The following IGFBP5 variants were observed in gnomAD, a reference collection of about 807,000 sequenced individuals.
IGFBP5 encodes insulin-like growth factor-binding protein 5.
Under a neutral mutation model 28.0 loss-of-function variants are expected in IGFBP5, and 12 were observed. The ratio of observed to expected loss-of-function variants is 0.43; its 90% CI spans 0.27 to 0.69. The LOEUF (loss-of-function observed/expected upper bound fraction) is 0.69. Ranked by LOEUF, IGFBP5 falls within the 30% of genes least tolerant of loss-of-function variation. The pLI is 0.20. For missense variants in IGFBP5, 344 were observed against 381.6 expected, an observed-to-expected ratio of 0.90 and a Z score of 0.82; for synonymous variants, 152 against 150.2, an observed-to-expected ratio of 1.01 and a Z score of -0.09.
intron 1 of IGFBP5, among the ~76,000 whole-genome samples, chr2:216,684,814 C>A (rs751019896): frequency 8.5e-5 from 13 of 152,204 alleles, no homozygotes; most frequent in Non-Finnish European, 1.5e-4. Flanking sequence ...TAAGCTGGGG[C>A]TTAGAGCCCA....
intron 1 of IGFBP5, among the ~76,000 whole-genome samples, chr2:216,693,132 C>A (rs1021303695): frequency 2.1e-4 from 32 of 150,442 alleles, no homozygotes; most frequent in African/African-American, 7.7e-4. Context: ...AGAACCCAGA[C>A]TTTTATGTAG....
At chr2:216,693,428 A>G (rs1689125187) in intron 1 of IGFBP5, among the ~76,000 whole-genome samples, 1 of 112,660 alleles carries the variant, frequency 8.9e-6, no homozygotes, top group Non-Finnish European at 1.7e-5. Flanking sequence ...ATCTGGTTTA[A>G]GAGATTGGGG....
At chr2:216,682,278 G>C (rs2106219978) in intron 1 of IGFBP5, among the ~76,000 whole-genome samples, 1 of 152,268 alleles carries the variant, frequency 6.6e-6, no homozygotes, top group East Asian at 1.9e-4. Flanking sequence ...TCACCTGTAG[G>C]CTCCAGAGAG....
chr2:216,687,777 C>CCA (rs3082797), intron 1 of IGFBP5, among the ~76,000 whole-genome samples: 2,730 of 152,256 alleles, frequency 0.018, 47 homozygotes, highest in East Asian at 0.039. Context: ...CCATCATGAC[C>CCA]CATCACAGCC....
intron 1 of IGFBP5, among the ~76,000 whole-genome samples, chr2:216,686,478 C>T (rs1275330856): frequency 1.3e-5 from 2 of 151,872 alleles, no homozygotes; most frequent in South Asian, 2.1e-4. Flanking sequence ...ATTAGCCGGG[C>T]GTGGCAGTGT....
Position 216,676,551 on chromosome 2 carries a change from T to A in IGFBP5, c.*200A>T. ...TAAAGGGGGGGGGTGTCTTTTTAGC[T>A]TTTTGCATCTCTGTTGTTGCCATTT... On this transcript the variant is annotated 3_prime_UTR_variant, in exon 4 of 4. Transcript: ENST00000233813. The A allele has an allele frequency of 2.5e-6, 1 of 407,006 alleles. No homozygotes were observed. The highest frequency in any genetic ancestry group is 4.4e-6 in the Non-Finnish European group (1 of 225,536). 25.2% of individuals were successfully genotyped at this position (407,006 alleles called of 1,614,324 possible).
At position 216,672,847 on chromosome 2, in the gene IGFBP5, C is replaced by A. The variant is rs547703765; in HGVS notation, c.*3904G>T. ...CAAGAAAGTATGTTTGAAATAGAAA[C>A]AAAAGCCTAAGAGAAAATAAAAAGT... On this transcript the variant is annotated 3_prime_UTR_variant, in exon 4 of 4. Coordinates refer to ENST00000233813, the MANE Select transcript of IGFBP5 (RefSeq NM_000599.4). 41 of 152,744 alleles carry A rather than the reference C, an allele frequency of 2.7e-4. No individual in the cohort carries two copies. The highest frequency in any genetic ancestry group is 8.9e-4 in the African/African-American group (37 of 41,550). The allele number at this position is 152,744 out of a possible 1,614,324, so 9.5% of individuals were successfully genotyped here. A position where few individuals can be genotyped will look rare whatever the true frequency, so the allele number is the denominator to read the frequency against.
intron 3 of IGFBP5, among the ~76,000 whole-genome samples, chr2:216,677,295 G>A (rs1688915087): frequency 1.3e-5 from 2 of 151,960 alleles, no homozygotes; most frequent in Non-Finnish European, 2.9e-5. Context: ...AACTCTGCAG[G>A]GATTCTCAAG....
rs1290997564 is a variant in IGFBP5, at chr2:216,692,721, G to C, written c.337+1718C>G. ...CACAAGCCGGTCTCTGGGGTTCCCAGAGCCTGCACATCCTCCCCTTTTCCT... is the reference window on the plus strand; with the variant it reads ...CACAAGCCGGTCTCTGGGGTTCCCACAGCCTGCACATCCTCCCCTTTTCCT... On this transcript the variant is annotated intron_variant, in intron 1 of 3. Coordinates refer to ENST00000233813, the MANE Select transcript of IGFBP5 (RefSeq NM_000599.4). The surrounding 1 kb of genome is among the most constrained non-coding windows in gnomAD (Gnocchi z 4.2). Among the ~76,000 whole-genome samples, 1 of 152,148 alleles carries C rather than the reference G, an allele frequency of 6.6e-6. No homozygotes were observed. The highest frequency in any genetic ancestry group is 1.5e-5 in the Non-Finnish European group (1 of 68,010).
intron 1 of IGFBP5, among the ~76,000 whole-genome samples, chr2:216,685,256 G>A (rs1295372616): frequency 6.7e-6 from 1 of 149,980 alleles, no homozygotes; most frequent in Non-Finnish European, 1.5e-5. Flanking sequence ...ATTCCCCCCT[G>A]GGCAATAGTG....
intron 1 of IGFBP5, among the ~76,000 whole-genome samples, chr2:216,693,652 A>G (rs1433733259): frequency 6.6e-6 from 1 of 152,070 alleles, no homozygotes; most frequent in Non-Finnish European, 1.5e-5. Context: ...CAGGCACAGA[A>G]TACCAAACCC....
chr2:216,693,307 G>C (rs555225971), intron 1 of IGFBP5, among the ~76,000 whole-genome samples: 90 of 152,184 alleles, frequency 5.9e-4, no homozygotes, highest in African/African-American at 2.0e-3. Context: ...ACCCGGGGGC[G>C]GGGCAAGCGG....
intron 1 of IGFBP5, among the ~76,000 whole-genome samples, chr2:216,683,587 C>T (rs1243668045): frequency 6.6e-6 from 1 of 152,162 alleles, no homozygotes; most frequent in Non-Finnish European, 1.5e-5. Flanking sequence ...TGGCATTCTG[C>T]TGTTTCTGTA....
Position 216,694,105 on chromosome 2 carries a change from C to G in IGFBP5, c.337+334G>C, listed in dbSNP as rs1689137028. ...GGGAGTTGATAATGTAACATACACT[C>G]TTTCAGACTGTAGATAGGGTACCAG... On this transcript the variant is annotated intron_variant, in intron 1 of 3. Transcript: ENST00000233813. The surrounding 1 kb of genome is among the most constrained non-coding windows in gnomAD (Gnocchi z 5.2). Among the ~76,000 whole-genome samples the G allele has an allele frequency of 6.6e-6, 1 of 151,422 alleles. No individual in the cohort carries two copies. The highest frequency in any genetic ancestry group is 2.4e-5 in the African/African-American group (1 of 41,122).
At position 216,679,005 on chromosome 2, in the gene IGFBP5, G is replaced by C. The variant is rs11575194; in HGVS notation, c.412C>G (p.Arg138Gly). 2 of 1,614,098 alleles carry C rather than the reference G, an allele frequency of 1.2e-6. No homozygotes were observed. Among genetic ancestry groups the C allele is most frequent in the African/African-American group, 2.7e-5 (2 of 75,018 alleles). ...TCGGAGATGCGGGTGTGTTTGGGCC[G>C]GAAGATCTTGGGGGAGTAGGTCTCC... ...AEETYSPKIF[R>G]PKHTRISELK... Residue 138 changes from arginine to glycine, a missense_variant, in exon 2 of 4, where the codon CGG (arginine) becomes GGG (glycine). Around this residue, in one of 3 missense-constraint regions of IGFBP5, gnomAD observed 304 missense variants for 329.2 expected, o/e 0.92. Transcript: ENST00000233813. This position sits in a 1 kb window ranked among gnomAD's most constrained non-coding sequence, Gnocchi z 4.6.
In IGFBP5 at chr2:216,676,630, T is replaced by G. The variant is rs1314568572; in HGVS notation, c.*121A>C. On this transcript the variant is annotated 3_prime_UTR_variant, in exon 4 of 4. Transcript: ENST00000233813. ...GAGGTCCTCAGTTTCCTCAAATAGATAGATATATATTTTTCCCTTAAATGA... is the reference window on the plus strand; with the variant it reads ...GAGGTCCTCAGTTTCCTCAAATAGAGAGATATATATTTTTCCCTTAAATGA... 3 of 608,068 alleles carry G rather than the reference T, an allele frequency of 4.9e-6. No individual in the cohort carries two copies. Among genetic ancestry groups the G allele is most frequent in the Admixed American group, 3.3e-5 (1 of 29,876 alleles). 37.7% of individuals were successfully genotyped at this position (608,068 alleles called of 1,614,324 possible). A position where few individuals can be genotyped will look rare whatever the true frequency, so the allele number is the denominator to read the frequency against.
In IGFBP5 at chr2:216,675,173, C is replaced by T. The variant is rs1241793152; in HGVS notation, c.*1578G>A. 5.3e-5 allele frequency: 8 copies of T among 152,336 alleles called. No homozygotes were observed. The highest frequency in any genetic ancestry group is 1.4e-4 in the African/African-American group (6 of 41,428). 9.4% of individuals were successfully genotyped at this position (152,336 alleles called of 1,614,324 possible). A position where few individuals can be genotyped will look rare whatever the true frequency, so the allele number is the denominator to read the frequency against. ...CCCCCTCTCCCTTCAGCCCTCTGTT[C>T]CTCCCCACATCGACTCTGGCCGGAA... On this transcript the variant is annotated 3_prime_UTR_variant, in exon 4 of 4. Transcript: ENST00000233813.
rs1162542345 is a variant in IGFBP5 at position 216,694,808 on chromosome 2, G to A, written c.-33C>T. The stretch of plus-strand genomic sequence containing the variant: ...TAGTCGCCCCCTTTACCTCGGGGTG[G>A]GGCAGGAGAGCGAGAGTGCAGGGAT... On this transcript the variant is annotated 5_prime_UTR_variant, in exon 1 of 4. Transcript: ENST00000233813. The surrounding 1 kb of genome is among the most constrained non-coding windows in gnomAD (Gnocchi z 5.2). 1.5e-6 allele frequency: 2 copies of A among 1,356,970 alleles called. No homozygotes were observed. Among genetic ancestry groups the A allele is most frequent in the Non-Finnish European group, 1.9e-6 (2 of 1,051,906 alleles). The allele number at this position is 1,356,970 out of a possible 1,614,324, so 84.1% of individuals were successfully genotyped here.
At chr2:216,689,081 C>A (rs925110189) in intron 1 of IGFBP5, among the ~76,000 whole-genome samples, 2 of 152,180 alleles carry the variant, frequency 1.3e-5, no homozygotes, top group Non-Finnish European at 2.9e-5. Flanking sequence ...GCAGAACTTC[C>A]TAGTTACTGC....
Sources: gnomAD v4.1 joint callset for allele counts (sites outside exome capture counted in the v4.1 genomes callset) on GRCh38, gnomAD v4.1.1 for gene constraint, gnomAD v4.1.1 regional missense constraint, Gnocchi (gnomAD v3.1) non-coding constraint, MANE v1.5 for transcripts, NCBI Gene and HGNC (gene_info 2026-07-23, HGNC 2026-07-21) for gene names.